ZNF185: variants seen among roughly 807,000 people sequenced by gnomAD.
The protein encoded by ZNF185 is zinc finger protein 185 with LIM domain, also known as zinc finger protein 185.
A neutral mutation model predicts 58.6 loss-of-function variants in ZNF185; 56 were observed. That is an observed-to-expected ratio of 0.95 (90% CI 0.77 to 1.19). The LOEUF (loss-of-function observed/expected upper bound fraction) is 1.19, where lower values mean the gene tolerates loss of function less well. Ranked by LOEUF, ZNF185 falls within the 50% of genes most tolerant of loss-of-function variation. ZNF185 has a pLI of 0.00. For synonymous variants in ZNF185, 230 were observed against 215.9 expected, an observed-to-expected ratio of 1.07 and a Z score of -0.57; for missense variants, 627 against 573.5, an observed-to-expected ratio of 1.09 and a Z score of -0.95.
intron 15 of ZNF185, among the ~76,000 whole-genome samples, chrX:152,938,886 G>C (rs782392423): frequency 1.1e-5 from 1 of 95,234 alleles, no homozygotes; most frequent in African/African-American, 5.1e-5. Context: ...GGTGGAAAAG[G>C]CAACTCAGGC....
At position 152,919,139 on chromosome X, in the gene ZNF185, G is replaced by A. The variant is rs1219237755; in HGVS notation, c.530+58G>A. 8 of 927,833 alleles carry A rather than the reference G, an allele frequency of 8.6e-6. No homozygotes were observed. In the Admixed American group the frequency reaches 1.7e-4, roughly 19 times the overall value. 76.5% of individuals were successfully genotyped at this position (927,833 alleles called of 1,213,427 possible). On this transcript the variant is annotated intron_variant, in intron 7 of 22. Coordinates refer to ENST00000449285, the Ensembl canonical transcript of ZNF185. Reference sequence around the variant, plus strand: ...GGGCAGGGCAGGAGCCTGAGTCTTCGAAGACTGCTGGAATGAATTGTACTG... The same window carrying A: ...GGGCAGGGCAGGAGCCTGAGTCTTCAAAGACTGCTGGAATGAATTGTACTG...
Position 152,914,542 on chromosome X carries a change from G to T in ZNF185, c.34+19G>T. On this transcript the variant is annotated intron_variant, in intron 1 of 22. Transcript: ENST00000449285. ...ACCAAAGGTGAGGCCTGGGCTCCCT[G>T]GTTTCCCAGGCTCTGTTTGGGGCTG... is the stretch of plus-strand genomic sequence containing the variant. 8.6e-7 allele frequency: 1 copy of T among 1,168,450 alleles called. No homozygotes were observed. Among genetic ancestry groups the T allele is most frequent in the Non-Finnish European group, 1.1e-6 (1 of 871,784 alleles).
At chrX:152,958,042 G>T (rs1000245867) in intron 16 of ZNF185, among the ~76,000 whole-genome samples, 4 of 111,927 alleles carry the variant, frequency 3.6e-5, no homozygotes, top group African/African-American at 9.8e-5. Flanking sequence ...CAACACAAAA[G>T]AATTTTTTTT....
chrX:152,931,256 A>G (rs782673887), intron 12 of ZNF185, among the ~76,000 whole-genome samples: 7 of 112,156 alleles, frequency 6.2e-5, no homozygotes, highest in East Asian at 5.6e-4. Flanking sequence ...CAATCTGTCA[A>G]TCAGCAGGGT....
intron 16 of ZNF185, among the ~76,000 whole-genome samples, chrX:152,957,615 A>G (rs1377832644): frequency 1.8e-5 from 2 of 112,347 alleles, no homozygotes; most frequent in Non-Finnish European, 3.8e-5. Flanking sequence ...GCTCCCAAGG[A>G]CATAAAACAG....
At chrX:152,922,194 C>T (rs372596205) in exon 10 of ZNF185, 157 of 1,193,784 alleles carry the variant, frequency 1.3e-4, no homozygotes, top group Middle Eastern at 6.9e-4. Context: ...TGGAAGAGGA[C>T]GGGCCTTCTG....
exon 5 of ZNF185, chrX:152,917,337 C>T: frequency 3.3e-6 from 4 of 1,211,803 alleles, no homozygotes; most frequent in Non-Finnish European, 4.5e-6. Context: ...GCAGCAGTTC[C>T]CCAAGGCCAA....
In ZNF185 at chrX:152,938,094, C is replaced by G. The variant is rs201417026; in HGVS notation, c.1142C>G (p.Ser381Cys). ...CTCAGCTCCAGTGCCACTTCAGTCT[C>G]TGCTGTCCCTGCTGATAGGAAGAGC... is the stretch of plus-strand genomic sequence containing the variant. Residue 381 changes from serine (S) to cysteine (C), a missense_variant, in exon 15 of 23, where the codon TCT becomes TGT. By Grantham distance (112) the Ser-to-Cys change is moderately radical. Coordinates refer to ENST00000449285, the Ensembl canonical transcript of ZNF185. The G allele has an allele frequency of 3.4e-6, 4 of 1,179,896 alleles. No homozygotes were observed. The highest frequency in any genetic ancestry group is 1.9e-5 in the South Asian group (1 of 53,077).
intron 11 of ZNF185, among the ~76,000 whole-genome samples, chrX:152,924,507 G>T (rs147129432): frequency 3.2e-4 from 36 of 111,534 alleles, no homozygotes; most frequent in African/African-American, 1.1e-3. Context: ...TTCTTTAAAG[G>T]CCCCATCTCC....
At chrX:152,942,579 A>G (rs781901330) in intron 15 of ZNF185, among the ~76,000 whole-genome samples, 1 of 112,613 alleles carries the variant, frequency 8.9e-6, no homozygotes, top group Admixed American at 9.3e-5. Context: ...CTGGAAAGCT[A>G]ACTTAACCAG....
chrX:152,927,479 C>T (rs1470009044), intron 11 of ZNF185, among the ~76,000 whole-genome samples: 2 of 111,557 alleles, frequency 1.8e-5, no homozygotes, highest in African/African-American at 6.5e-5. Flanking sequence ...TCCTGGGACC[C>T]CTGAGTGGCC....
chrX:152,930,270 G>A (rs1459409580), intron 12 of ZNF185, among the ~76,000 whole-genome samples: 5 of 112,241 alleles, frequency 4.5e-5, no homozygotes, highest in African/African-American at 6.5e-5. Flanking sequence ...GAACTCATTT[G>A]ACGAGTTTAT....
chrX:152,898,211 C>A, the ZNF185 span, among the ~76,000 whole-genome samples: 4 of 110,931 alleles, frequency 3.6e-5, no homozygotes, highest in East Asian at 8.6e-4. Context: ...ACCCTCCACC[C>A]GCCCCACGAG....
At chrX:152,907,307 C>T in the ZNF185 span, among the ~76,000 whole-genome samples, 1 of 112,344 alleles carries the variant, frequency 8.9e-6, no homozygotes, top group African/African-American at 3.2e-5. Context: ...ACCAGGCTTG[C>T]TGTGGTCGGG....
chrX:152,922,731 G>A lies in ZNF185; in HGVS notation c.752G>A (p.Gly251Asp), dbSNP rs1001195019. 8.3e-7 allele frequency: 1 copy of A among 1,199,888 alleles called. No individual in the cohort carries two copies. Among genetic ancestry groups the A allele is most frequent in the Admixed American group, 2.2e-5 (1 of 44,596 alleles). Reference sequence around the variant, plus strand: ...ACCTTCTTTGCCAGTGCGGATGGAGGCAGGACCAAAGCGTCTCGGGCAATT... The same window carrying A: ...ACCTTCTTTGCCAGTGCGGATGGAGACAGGACCAAAGCGTCTCGGGCAATT... Residue 251 changes from glycine to aspartate, a missense_variant, in exon 11 of 23, where the codon GGC (glycine) becomes GAC (aspartate). By Grantham distance (94) the Gly-to-Asp change is moderately conservative. Transcript: ENST00000449285.
At chrX:152,903,116 C>CGT in the ZNF185 span, among the ~76,000 whole-genome samples, 31 of 110,304 alleles carry the variant, frequency 2.8e-4, no homozygotes, top group East Asian at 8.5e-3. Context: ...TGGCCGAGTG[C>CGT]GGTGGCTCAC....
chrX:152,923,184 C>A (rs1940124047), intron 11 of ZNF185, among the ~76,000 whole-genome samples: 1 of 112,045 alleles, frequency 8.9e-6, no homozygotes. Context: ...CCTTGGAAGA[C>A]CCCTGCATCC....
intron 13 of ZNF185, among the ~76,000 whole-genome samples, chrX:152,932,256 C>T (rs1451962103): frequency 8.9e-6 from 1 of 112,379 alleles, no homozygotes; most frequent in Non-Finnish European, 1.9e-5. Context: ...TCAGGATGAC[C>T]CGTGGACTAA....
At chrX:152,923,595 G>T (rs981249322) in intron 11 of ZNF185, among the ~76,000 whole-genome samples, 1 of 112,490 alleles carries the variant, frequency 8.9e-6, no homozygotes, top group South Asian at 3.7e-4. Context: ...GATTGGTTTC[G>T]TGAAAGACAC....
Sources: gnomAD v4.1 joint callset for allele counts (sites outside exome capture counted in the v4.1 genomes callset) on GRCh38, gnomAD v4.1.1 for gene constraint, MANE v1.5 for transcripts, NCBI Gene and HGNC (gene_info 2026-07-23, HGNC 2026-07-21) for gene names.